Variants in MACROD2 observed in about 807,000 individuals in gnomAD.
The protein encoded by MACROD2 is ADP-ribose glycohydrolase MACROD2.
MACROD2 carries 36 observed loss-of-function variants against 70.4 expected under a neutral mutation model. That is an observed-to-expected ratio of 0.51 (90% CI 0.39 to 0.68). MACROD2 has a LOEUF of 0.68. Ranked by LOEUF, MACROD2 falls within the 30% of genes least tolerant of loss-of-function variation. The probability of loss-of-function intolerance (pLI) is 0.00; values close to 1 mark genes in which losing one functional copy is unlikely to be tolerated. For missense variants in MACROD2, 496 were observed against 538.4 expected (o/e 0.92, Z 0.78); for synonymous variants, 172 against 178.8 (o/e 0.96, Z 0.30).
chr20:14,725,702 G>T (rs2071521099), intron 5 of MACROD2, among the ~76,000 whole-genome samples: 1 of 152,106 alleles, frequency 6.6e-6, no homozygotes, highest in African/African-American at 2.4e-5. Context: ...GCTCCATTCT[G>T]CTGGTGACCG....
chr20:15,316,387 C>G (rs2077811208), intron 6 of MACROD2, among the ~76,000 whole-genome samples: 1 of 151,844 alleles, frequency 6.6e-6, no homozygotes, highest in Non-Finnish European at 1.5e-5. Context: ...AAAAGAAAGC[C>G]AGGGTGGCTC....
rs552151517 is a variant in MACROD2 at position 14,872,875 on chromosome 20, G to C, written c.418+187916G>C. The stretch of plus-strand genomic sequence containing the variant: ...TTACAATCATGGCTGAAGGGGAAGG[G>C]GAAGCAAGGTACCTTCTTTACAAGG... On this transcript the variant is annotated intron_variant, in intron 5 of 17. Coordinates refer to ENST00000684519, the MANE Select transcript of MACROD2 (RefSeq NM_001351661.2). 2.0e-5 allele frequency among the ~76,000 whole-genome samples: 3 copies of C among 152,164 alleles called. No individual in the cohort carries two copies. In the East Asian group the frequency reaches 5.8e-4, roughly 29 times the overall value.
At chr20:15,670,402 C>T (rs536119359) in intron 8 of MACROD2, among the ~76,000 whole-genome samples, 4 of 152,246 alleles carry the variant, frequency 2.6e-5, no homozygotes, top group South Asian at 4.1e-4. Flanking sequence ...TGATGCAACA[C>T]GAACTTCTAC....
At chr20:15,907,391 A>G (rs1259712056) in intron 10 of MACROD2, among the ~76,000 whole-genome samples, 1 of 152,214 alleles carries the variant, frequency 6.6e-6, no homozygotes, top group Admixed American at 6.5e-5. Flanking sequence ...AAATTGTCCA[A>G]CTTTGGTTAA....
chr20:14,444,884 A>T (rs2084166871), intron 3 of MACROD2, among the ~76,000 whole-genome samples: 1 of 151,696 alleles, frequency 6.6e-6, no homozygotes, highest in African/African-American at 2.4e-5. Flanking sequence ...CCATATATAT[A>T]TGTAGAGAGA....
intron 8 of MACROD2, among the ~76,000 whole-genome samples, chr20:15,626,955 A>G (rs1481316836): frequency 1.3e-5 from 2 of 152,178 alleles, no homozygotes; most frequent in Non-Finnish European, 2.9e-5. Flanking sequence ...ATTCTAAAGC[A>G]TGAGAGAGAG....
At chr20:15,779,702 G>A (rs1473519724) in intron 8 of MACROD2, among the ~76,000 whole-genome samples, 3 of 152,170 alleles carry the variant, frequency 2.0e-5, no homozygotes, top group South Asian at 4.1e-4. Context: ...AAAAACAGAA[G>A]TCACTTCTCT....
intron 4 of MACROD2, among the ~76,000 whole-genome samples, chr20:14,683,969 T>A (rs2070967345): frequency 6.6e-6 from 1 of 152,302 alleles, no homozygotes; most frequent in South Asian, 2.1e-4. Context: ...CTTCTACCTG[T>A]GCACTCACAC....
intron 3 of MACROD2, among the ~76,000 whole-genome samples, chr20:14,485,509 G>A (rs1447616714): frequency 1.3e-5 from 2 of 152,002 alleles, no homozygotes; most frequent in African/African-American, 4.8e-5. Context: ...GGATCATCCT[G>A]GCTAACACGG....
chr20:14,674,370 C>T (rs2070833180), intron 4 of MACROD2, among the ~76,000 whole-genome samples: 1 of 152,062 alleles, frequency 6.6e-6, no homozygotes, highest in Admixed American at 6.6e-5. Flanking sequence ...TTCTTCCTTT[C>T]AAAATTTTTA....
At chr20:16,047,550 G>A (rs767684041) in intron 17 of MACROD2, among the ~76,000 whole-genome samples, 40 of 152,146 alleles carry the variant, frequency 2.6e-4, no homozygotes, top group Non-Finnish European at 4.6e-4. Context: ...TTGCACTCTC[G>A]TAATGCTCGT....
intron 8 of MACROD2, among the ~76,000 whole-genome samples, chr20:15,818,023 G>A (rs1386695614): frequency 6.6e-6 from 1 of 152,032 alleles, no homozygotes; most frequent in Non-Finnish European, 1.5e-5. Flanking sequence ...CATGCCTTGG[G>A]GAACCCTTGC....
intron 4 of MACROD2, 39 bp downstream of exon 4, chr20:14,493,547 ATT>A: frequency 6.5e-7 from 1 of 1,530,944 alleles, no homozygotes; most frequent in Non-Finnish European, 9.0e-7. Flanking sequence ...ATACATTTTA[ATT>A]GTTATACCAA....
chr20:15,599,711 T>G (rs1165700386), intron 8 of MACROD2, among the ~76,000 whole-genome samples: 1 of 152,250 alleles, frequency 6.6e-6, no homozygotes, highest in Non-Finnish European at 1.5e-5. Flanking sequence ...GTCTATATTT[T>G]AAATTTTTTG....
At chr20:15,986,672 A>C in intron 13 of MACROD2, 55 bp from the exon 14 acceptor site, 1 of 1,387,272 alleles carries the variant, frequency 7.2e-7, no homozygotes, top group South Asian at 1.2e-5. Context: ...TCAGGAATAA[A>C]GCTACGGTCA....
At chr20:14,517,734 AT>A (rs889218168) in intron 4 of MACROD2, among the ~76,000 whole-genome samples, 4 of 152,166 alleles carry the variant, frequency 2.6e-5, no homozygotes, top group African/African-American at 7.2e-5. Flanking sequence ...GTAGAAGTTC[AT>A]TTTTTTCCAC....
intron 5 of MACROD2, among the ~76,000 whole-genome samples, chr20:15,103,851 C>A (rs78316455): frequency 1.8e-3 from 268 of 152,062 alleles, no homozygotes; most frequent in African/African-American, 6.1e-3. Context: ...TAAAGGGAAT[C>A]CAGGAAGAGC....
chr20:14,772,188 T>C (rs1277079798), intron 5 of MACROD2, among the ~76,000 whole-genome samples: 3 of 152,096 alleles, frequency 2.0e-5, no homozygotes, highest in Non-Finnish European at 4.4e-5. Context: ...TACCATTTTT[T>C]CCCTTATTTA....
chr20:15,448,696 G>T (rs190068869), intron 7 of MACROD2, among the ~76,000 whole-genome samples: 1 of 152,258 alleles, frequency 6.6e-6, no homozygotes, highest in African/African-American at 2.4e-5. Context: ...GTATTATCTT[G>T]TGAGAATATG....
Sources: gnomAD v4.1 joint callset for allele counts (sites outside exome capture counted in the v4.1 genomes callset) on GRCh38, gnomAD v4.1.1 for gene constraint, MANE v1.5 for transcripts, NCBI Gene and HGNC (gene_info 2026-07-23, HGNC 2026-07-21) for gene names.